Variants in CCDC138 observed in about 807,000 individuals in gnomAD.
CCDC138 encodes the protein coiled-coil domain containing 138, also known as coiled-coil domain-containing protein 138.
A neutral mutation model predicts 82.3 loss-of-function variants in CCDC138; 66 were observed. The observed-to-expected ratio is 0.80, with a 90% CI of 0.66 to 0.98. CCDC138 has a LOEUF of 0.98. CCDC138 is among the 50% of genes least tolerant of loss of function. The probability of loss-of-function intolerance (pLI) is 0.00; values close to 1 mark genes in which losing one functional copy is unlikely to be tolerated. For synonymous variants in CCDC138, 297 were observed against 265.4 expected (o/e 1.12, Z -1.16); for missense variants, 816 against 758.9 (o/e 1.08, Z -0.88).
chr2:108,865,019 A>G (rs1298082927), intron 13 of CCDC138, among the ~76,000 whole-genome samples: 2 of 152,094 alleles, frequency 1.3e-5, no homozygotes, highest in African/African-American at 4.8e-5. Context: ...TACAAAAGTG[A>G]AAAGTCTGCC....
intron 10 of CCDC138, among the ~76,000 whole-genome samples, chr2:108,822,776 G>A (rs1685930449): frequency 6.6e-6 from 1 of 152,242 alleles, no homozygotes; most frequent in South Asian, 2.1e-4. Context: ...AAAATTTATA[G>A]GATGCAGTGT....
chr2:108,877,815 G>T (rs947069475), downstream of CCDC138, among the ~76,000 whole-genome samples: 2 of 152,204 alleles, frequency 1.3e-5, no homozygotes, highest in Non-Finnish European at 2.9e-5. Context: ...TGAGAAAAGG[G>T]TTCTATAATT....
At chr2:108,797,689 A>G (rs187061714) in intron 5 of CCDC138, among the ~76,000 whole-genome samples, 2 of 152,278 alleles carry the variant, frequency 1.3e-5, no homozygotes, top group East Asian at 1.9e-4. Context: ...AAGCATGTAT[A>G]TATGTATTTT....
intron 11 of CCDC138, among the ~76,000 whole-genome samples, chr2:108,843,721 T>C (rs368885948): frequency 2.0e-5 from 3 of 152,082 alleles, no homozygotes; most frequent in Non-Finnish European, 4.4e-5. Context: ...TTGACTATGA[T>C]GGGTCTTGGT....
chr2:108,867,492 C>G (rs1282313672), intron 13 of CCDC138, among the ~76,000 whole-genome samples: 1 of 152,020 alleles, frequency 6.6e-6, no homozygotes, highest in Non-Finnish European at 1.5e-5. Flanking sequence ...TATGGATTAC[C>G]CTGCTCCAAG....
At chr2:108,884,867 A>C (rs952196867) in intron 2 of CCDC138, 3 of 151,220 alleles carry the variant, frequency 2.0e-5, no homozygotes, top group African/African-American at 7.2e-5. Flanking sequence ...GCCAAGCCAC[A>C]CACCCTCGTT....
rs762818651 is a variant in CCDC138, at chr2:108,816,024, TGAA to T, written c.1129_1131del (p.Glu377del). The T allele has an allele frequency of 1.2e-6, 2 of 1,613,806 alleles. No individual in the cohort carries two copies. Among genetic ancestry groups the T allele is most frequent in the East Asian group, 4.5e-5 (2 of 44,844 alleles). ...ATCATCATCTTAGCAAAGTGAAACA[TGAA>T]GAATCTGGAATGGATGGTAAAAAAC... is the stretch of plus-strand genomic sequence containing the variant. On this transcript the variant is annotated inframe_deletion, in exon 10 of 15. Transcript: ENST00000295124.
chr2:108,798,543 GT>G lies in CCDC138; in HGVS notation c.693del (p.Val232LeufsTer12). 1 of 1,613,648 alleles carries G rather than the reference GT, an allele frequency of 6.2e-7. No homozygotes were observed. Among genetic ancestry groups the G allele is most frequent in the Non-Finnish European group, 8.5e-7 (1 of 1,179,798 alleles). The stretch of plus-strand genomic sequence containing the variant: ...GAAAATGCCTTGAGTAAAATTAAAG[GT>G]GTTGAAGAAGAGGTTCTTACAAGAT... ...RHENALSKIK[G>X]VEEEVLTRFQ... On this transcript the variant is annotated frameshift_variant, in exon 6 of 15. Transcript: ENST00000295124. LOFTEE classifies it high-confidence loss of function.
At chr2:108,873,350 T>A in intron 13 of CCDC138, 101 bp from the exon 14 acceptor site, 4 of 1,071,766 alleles carry the variant, frequency 3.7e-6, no homozygotes, top group Non-Finnish European at 5.0e-6. Context: ...AAAATCTAAA[T>A]GAATATTTAT....
intron 10 of CCDC138, among the ~76,000 whole-genome samples, chr2:108,830,407 A>G (rs1687357120): frequency 6.6e-6 from 1 of 152,254 alleles, no homozygotes; most frequent in Non-Finnish European, 1.5e-5. Flanking sequence ...TTTTACCATA[A>G]TAAAGATTTT....
chr2:108,829,962 T>C (rs1574108718), intron 10 of CCDC138, among the ~76,000 whole-genome samples: 2 of 152,018 alleles, frequency 1.3e-5, no homozygotes, highest in African/African-American at 4.8e-5. Context: ...TGAACAGATA[T>C]TTAAACACCA....
rs572852313 is a variant in CCDC138 at position 108,794,559 on chromosome 2, G to A, written c.414G>A (p.Thr138=). ...EIEKVALPTN[T]TSSRPRTECC... ...TTGCAGTTGCCTTGCCAACTAATAC[G>A]ACCTCATCGAGACCTCGGACTGAGT... The change falls in exon 5 of 15, where the codon ACG becomes ACA. Residue 138 remains threonine (T), a synonymous_variant. Coordinates refer to ENST00000295124, the MANE Select transcript of CCDC138 (RefSeq NM_144978.3). The A allele has an allele frequency of 5.0e-6, 8 of 1,609,550 alleles. No homozygotes were observed. The highest frequency in any genetic ancestry group is 2.2e-5 in the East Asian group (1 of 44,796).
chr2:108,804,212 C>A (rs1331236869), intron 6 of CCDC138, among the ~76,000 whole-genome samples: 1 of 151,956 alleles, frequency 6.6e-6, no homozygotes, highest in Non-Finnish European at 1.5e-5. Context: ...TGTTTTAAAG[C>A]TTTATAAGTA....
chr2:108,859,604 T>G (rs1474481357), intron 13 of CCDC138, among the ~76,000 whole-genome samples: 2 of 152,042 alleles, frequency 1.3e-5, no homozygotes, highest in African/African-American at 4.8e-5. Flanking sequence ...TGAAAATCAG[T>G]TGGTTGTAGG....
At chr2:108,868,786 A>G (rs542277901) in intron 13 of CCDC138, among the ~76,000 whole-genome samples, 98 of 152,318 alleles carry the variant, frequency 6.4e-4, no homozygotes, top group African/African-American at 2.4e-3. Flanking sequence ...GAACATTTTC[A>G]TGAGAAAACT....
At chr2:108,797,150 A>G (rs1681046917) in intron 5 of CCDC138, among the ~76,000 whole-genome samples, 1 of 152,204 alleles carries the variant, frequency 6.6e-6, no homozygotes, top group African/African-American at 2.4e-5. Flanking sequence ...AGTGGATATA[A>G]TTAAGCAGAA....
At chr2:108,864,907 G>A (rs1019391492) in intron 13 of CCDC138, among the ~76,000 whole-genome samples, 2 of 152,104 alleles carry the variant, frequency 1.3e-5, no homozygotes, top group African/African-American at 4.8e-5. Context: ...GTTGTACTGA[G>A]CTATTAACAT....
chr2:108,875,316 TA>T (rs1695855695), intron 14 of CCDC138, among the ~76,000 whole-genome samples: 1 of 22,694 alleles, frequency 4.4e-5, no homozygotes, highest in South Asian at 1.7e-3. Flanking sequence ...ACTTAAAGTA[TA>T]ATAAAAAAAA....
intron 6 of CCDC138, among the ~76,000 whole-genome samples, chr2:108,800,652 G>A (rs1441695315): frequency 3.9e-5 from 2 of 51,794 alleles, no homozygotes; most frequent in Non-Finnish European, 6.9e-5. Context: ...TATACTTTAA[G>A]TTTTAGGGTA....
Sources: allele counts gnomAD v4.1 joint callset (sites outside exome capture counted in the v4.1 genomes callset), GRCh38; gene constraint gnomAD v4.1.1; transcripts MANE v1.5; gene names NCBI Gene and HGNC (gene_info 2026-07-23, HGNC 2026-07-21).